The following ASTN2 variants were observed in gnomAD, a reference collection of about 807,000 sequenced individuals.
The protein encoded by ASTN2 is astrotactin-2.
In ASTN2, 54 loss-of-function variants were observed where a neutral mutation model predicts 139.8. The observed-to-expected ratio is 0.39, with a 90% confidence interval of 0.31 to 0.48. The LOEUF (loss-of-function observed/expected upper bound fraction) is 0.48. Ranked by LOEUF, ASTN2 falls within the 20% of genes least tolerant of loss-of-function variation. The pLI, the probability that ASTN2 is intolerant of heterozygous loss-of-function variation, is 0.95. For missense variants in ASTN2, 1,565 were observed against 1,725.1 expected, an observed-to-expected ratio of 0.91 and a Z score of 1.64; for synonymous variants, 756 against 719.5, an observed-to-expected ratio of 1.05 and a Z score of -0.81.
rs183487387 is a variant in ASTN2 at position 116,963,810 on chromosome 9, C to T, written c.1889+11398G>A. Among the ~76,000 whole-genome samples, 98 of 152,264 alleles carry T rather than the reference C, an allele frequency of 6.4e-4. 1 individual carries two copies. Among genetic ancestry groups the T allele is most frequent in the East Asian group, 5.8e-3 (30 of 5,172 alleles). On this transcript the variant is annotated intron_variant, in intron 10 of 22. Transcript: ENST00000313400. Reference sequence around the variant, plus strand: ...TCTCACTGGGTTCAGCCAATGGCAGCACCAGCAGGAGGTTTGGTGAGAAGT... The same window carrying T: ...TCTCACTGGGTTCAGCCAATGGCAGTACCAGCAGGAGGTTTGGTGAGAAGT...
At chr9:117,412,859 C>T (rs1279182179) in intron 1 of ASTN2, among the ~76,000 whole-genome samples, 1 of 152,188 alleles carries the variant, frequency 6.6e-6, no homozygotes, top group East Asian at 1.9e-4. Flanking sequence ...GTTAGTCCGG[C>T]GGCGCTCTAA....
At chr9:116,641,396 C>T (rs1857321350) in intron 17 of ASTN2, among the ~76,000 whole-genome samples, 1 of 152,064 alleles carries the variant, frequency 6.6e-6, no homozygotes, top group African/African-American at 2.4e-5. Flanking sequence ...ATTTGTAAGA[C>T]CTTGAGACAA....
chr9:117,116,208 T>C (rs1284223993), intron 4 of ASTN2, among the ~76,000 whole-genome samples: 2 of 151,944 alleles, frequency 1.3e-5, no homozygotes, highest in East Asian at 3.9e-4. Context: ...GCAGAAAGAA[T>C]GGTCAGGATG....
chr9:116,433,845 G>C (rs1323294173), intron 22 of ASTN2, among the ~76,000 whole-genome samples: 1 of 152,164 alleles, frequency 6.6e-6, no homozygotes, highest in African/African-American at 2.4e-5. Context: ...GGTGCCCACT[G>C]AAAATGTTCG....
At chr9:117,009,266 G>A (rs1438321491) in intron 6 of ASTN2, among the ~76,000 whole-genome samples, 1 of 151,998 alleles carries the variant, frequency 6.6e-6, no homozygotes, top group Non-Finnish European at 1.5e-5. Context: ...GCCAATATTT[G>A]CTCTAAAATG....
chr9:116,812,754 A>G (rs549862806), intron 12 of ASTN2, among the ~76,000 whole-genome samples: 1 of 152,156 alleles, frequency 6.6e-6, no homozygotes, highest in Non-Finnish European at 1.5e-5. Flanking sequence ...TGGGAATCAA[A>G]ACTTAGGAGC....
In ASTN2 at chr9:116,744,204, T is replaced by G. The variant is rs184188719; in HGVS notation, c.2397-10681A>C. ...TGTGTGTGTATGGAAGAGGCACAGA[T>G]AAAACACATGGCATGTTCTGGAAAT... is the stretch of plus-strand genomic sequence containing the variant. On this transcript the variant is annotated intron_variant, in intron 13 of 22. Transcript: ENST00000313400. 1.8e-4 allele frequency among the ~76,000 whole-genome samples: 28 copies of G among 152,260 alleles called. No homozygotes were observed. The East Asian group carries it at 4.6e-3, about 25-fold the overall frequency.
chr9:116,431,641 T>C (rs1281395447), intron 22 of ASTN2, among the ~76,000 whole-genome samples: 1 of 152,166 alleles, frequency 6.6e-6, no homozygotes, highest in African/African-American at 2.4e-5. Context: ...AAAAGACAAG[T>C]GGGCAACAAT....
At chr9:117,106,997 T>C (rs1829124074) in intron 4 of ASTN2, among the ~76,000 whole-genome samples, 1 of 152,226 alleles carries the variant, frequency 6.6e-6, no homozygotes. Flanking sequence ...CAAATGATAC[T>C]GGTGATTTTC....
At chr9:116,828,296 G>T (rs1254225583) in intron 11 of ASTN2, among the ~76,000 whole-genome samples, 1 of 60,318 alleles carries the variant, frequency 1.7e-5, no homozygotes, top group Non-Finnish European at 3.0e-5. Flanking sequence ...GCGAGACTCC[G>T]TCTCAAAAAA....
chr9:117,390,019 G>A (rs1204411042), intron 1 of ASTN2, among the ~76,000 whole-genome samples: 1 of 152,146 alleles, frequency 6.6e-6, no homozygotes, highest in Non-Finnish European at 1.5e-5. Flanking sequence ...AGCCTTGACA[G>A]CAGTGGCTCT....
chr9:117,380,195 C>T lies in ASTN2; in HGVS notation c.442+34302G>A, dbSNP rs117296979. On this transcript the variant is annotated intron_variant, in intron 1 of 22. Transcript: ENST00000313400. ...AAATACAATAGAAGGGTTCTACCTTCCTTGAGCTTAGAGTTGAGTGTGGTG... is the reference window on the plus strand; with the variant it reads ...AAATACAATAGAAGGGTTCTACCTTTCTTGAGCTTAGAGTTGAGTGTGGTG... Among the ~76,000 whole-genome samples, 600 of 152,256 alleles carry T rather than the reference C, an allele frequency of 3.9e-3. 2 individuals are homozygous for T. The highest frequency in any genetic ancestry group is 0.01 in the Middle Eastern group (3 of 294).
chr9:117,291,953 C>T (rs564456513), intron 1 of ASTN2, among the ~76,000 whole-genome samples: 3 of 152,258 alleles, frequency 2.0e-5, no homozygotes, highest in East Asian at 1.9e-4. Flanking sequence ...GGCCAAACCT[C>T]GGAGCCAGAA....
chr9:116,932,592 T>C (rs1729544931), intron 10 of ASTN2, among the ~76,000 whole-genome samples: 1 of 152,040 alleles, frequency 6.6e-6, no homozygotes, highest in African/African-American at 2.4e-5. Flanking sequence ...GCATGTGCCC[T>C]GGAACACCCC....
At chr9:116,621,835 A>T (rs1388375159) in intron 17 of ASTN2, among the ~76,000 whole-genome samples, 1 of 152,170 alleles carries the variant, frequency 6.6e-6, no homozygotes, top group Admixed American at 6.5e-5. Flanking sequence ...ACAGCACAGG[A>T]GTCAAGTTTT....
chr9:116,676,502 A>G (rs1181782475), intron 16 of ASTN2, among the ~76,000 whole-genome samples: 1 of 152,210 alleles, frequency 6.6e-6, no homozygotes, highest in Admixed American at 6.5e-5. Context: ...AAACCAACAC[A>G]GTACAAAATT....
intron 10 of ASTN2, among the ~76,000 whole-genome samples, chr9:116,910,334 C>T (rs1038193359): frequency 4.6e-5 from 7 of 152,102 alleles, no homozygotes; most frequent in Non-Finnish European, 8.8e-5. Context: ...CATTTCGGGT[C>T]GGATAATCCT....
intron 5 of ASTN2, among the ~76,000 whole-genome samples, chr9:117,041,013 CA>C (rs1469865045): frequency 6.6e-6 from 1 of 152,150 alleles, no homozygotes; most frequent in African/African-American, 2.4e-5. Context: ...TAGATTCTAA[CA>C]CAAATTGTGT....
intron 11 of ASTN2, among the ~76,000 whole-genome samples, chr9:116,836,570 AGTTTT>A (rs59997144): frequency 0.24 from 35,896 of 150,328 alleles, 4,860 homozygotes; most frequent in Non-Finnish European, 0.3. Flanking sequence ...TAGGGAGAGC[AGTTTT>A]GTTTTGTTTT....
Sources: gnomAD v4.1 joint callset for allele counts (sites outside exome capture counted in the v4.1 genomes callset) on GRCh38, gnomAD v4.1.1 for gene constraint, MANE v1.5 for transcripts, NCBI Gene and HGNC (gene_info 2026-07-23, HGNC 2026-07-21) for gene names.